Variants in SLC5A4 observed in about 807,000 individuals in gnomAD.
SLC5A4 encodes solute carrier family 5 member 4, also known as probable glucose sensor protein SLC5A4.
Under a neutral mutation model 70.3 loss-of-function variants are expected in SLC5A4, and 55 were observed. That is an observed-to-expected ratio of 0.78 (90% CI 0.63 to 0.98). The LOEUF (loss-of-function observed/expected upper bound fraction) is 0.98, where lower values mean the gene tolerates loss of function less well. SLC5A4 is among the 50% of genes least tolerant of loss of function. The pLI is 0.00. For missense variants in SLC5A4, 735 were observed against 839.2 expected, an observed-to-expected ratio of 0.88 and a Z score of 1.53; for synonymous variants, 268 against 305.7, an observed-to-expected ratio of 0.88 and a Z score of 1.29.
chr22:32,255,496 G>A (rs908607720), upstream of SLC5A4, among the ~76,000 whole-genome samples: 1 of 152,190 alleles, frequency 6.6e-6, no homozygotes, highest in Non-Finnish European at 1.5e-5. Context: ...CTCCACCAGT[G>A]AGTGCTAGCC....
chr22:32,248,806 C>T lies in SLC5A4; in HGVS notation c.313-4G>A. 1.2e-6 allele frequency: 2 copies of T among 1,605,294 alleles called. No homozygotes were observed. The highest frequency in any genetic ancestry group is 1.7e-6 in the Non-Finnish European group (2 of 1,172,080). On this transcript the variant is annotated splice_region_variant and splice_polypyrimidine_tract_variant and intron_variant, in intron 3 of 14. Coordinates refer to ENST00000266086, the MANE Select transcript of SLC5A4 (RefSeq NM_014227.3). ...GAATCAGCAACATTACTGAGGACTA[C>T]AAGGAACCAAAATAAGAGACAGTGA...
the SLC5A4 span, chr22:32,270,405 C>T: frequency 2.3e-5 from 34 of 1,454,270 alleles, no homozygotes; most frequent in Middle Eastern, 1.8e-4. Context: ...CCGGCTGCTA[C>T]GACATGTGGA....
chr22:32,233,146 T>C, intron 8 of SLC5A4, 112 bp from the exon 9 acceptor site: 4 of 1,161,264 alleles, frequency 3.4e-6, no homozygotes, highest in Non-Finnish European at 3.6e-6. Flanking sequence ...TGGACCAGTA[T>C]ACCAAAGAGC....
chr22:32,242,034 A>G (rs1177691153), intron 5 of SLC5A4, among the ~76,000 whole-genome samples: 1 of 151,828 alleles, frequency 6.6e-6, no homozygotes, highest in Non-Finnish European at 1.5e-5. Flanking sequence ...TCTAAACTGT[A>G]TATGTACGTG....
chr22:32,312,365 G>GCGCACACACACACA, the SLC5A4 span, among the ~76,000 whole-genome samples: 7 of 102,214 alleles, frequency 6.8e-5, no homozygotes, highest in African/African-American at 1.9e-4. Context: ...ACGCGCGCGC[G>GCGCACACACACACA]CACACACACA....
At chr22:32,285,529 T>C in the SLC5A4 span, among the ~76,000 whole-genome samples, 1 of 152,232 alleles carries the variant, frequency 6.6e-6, no homozygotes, top group East Asian at 1.9e-4. Context: ...TCATCTTTTG[T>C]CATACAAAAA....
the SLC5A4 span, among the ~76,000 whole-genome samples, chr22:32,261,944 G>A: frequency 6.6e-6 from 1 of 152,116 alleles, no homozygotes; most frequent in Non-Finnish European, 1.5e-5. Flanking sequence ...TCTGTGACTA[G>A]CTTATTTCAC....
At chr22:32,284,503 G>T in the SLC5A4 span, among the ~76,000 whole-genome samples, 27 of 152,160 alleles carry the variant, frequency 1.8e-4, no homozygotes, top group African/African-American at 6.3e-4. Flanking sequence ...GCTGCAAGCT[G>T]GGAGCTCAGC....
At chr22:32,349,999 G>A in the SLC5A4 span, among the ~76,000 whole-genome samples, 2 of 152,042 alleles carry the variant, frequency 1.3e-5, no homozygotes, top group African/African-American at 4.8e-5. Context: ...CAACAAAAAG[G>A]TCAGCTAAAG....
chr22:32,307,539 T>C, the SLC5A4 span, among the ~76,000 whole-genome samples: 1 of 152,028 alleles, frequency 6.6e-6, no homozygotes, highest in Admixed American at 6.6e-5. Flanking sequence ...GTTGAATAGG[T>C]GAGGGAAGTC....
the SLC5A4 span, among the ~76,000 whole-genome samples, chr22:32,326,226 G>A: frequency 6.6e-6 from 1 of 151,910 alleles, no homozygotes; most frequent in Non-Finnish European, 1.5e-5. Flanking sequence ...GATAGTTGGC[G>A]CTGACTGTAT....
the SLC5A4 span, among the ~76,000 whole-genome samples, chr22:32,316,966 A>T: frequency 4.0e-5 from 4 of 99,974 alleles, no homozygotes; most frequent in African/African-American, 1.7e-4. Context: ...GTGTGTGTAA[A>T]ACACAGTCTA....
the SLC5A4 span, among the ~76,000 whole-genome samples, chr22:32,304,469 G>C: frequency 6.6e-6 from 1 of 151,902 alleles, no homozygotes; most frequent in Non-Finnish European, 1.5e-5. Flanking sequence ...TTTTGAGACA[G>C]GGTCTCACTG....
chr22:32,290,760 T>C, the SLC5A4 span, among the ~76,000 whole-genome samples: 82 of 152,266 alleles, frequency 5.4e-4, no homozygotes, highest in Middle Eastern at 3.4e-3. Context: ...GGATGAATGC[T>C]GTGTCTTCAC....
At chr22:32,315,323 G>A in the SLC5A4 span, among the ~76,000 whole-genome samples, 3 of 152,138 alleles carry the variant, frequency 2.0e-5, no homozygotes, top group East Asian at 3.9e-4. Flanking sequence ...AGGGGTGGAG[G>A]TGAGAAGGAG....
the SLC5A4 span, among the ~76,000 whole-genome samples, chr22:32,300,454 CAGAA>C: frequency 2.0e-5 from 3 of 152,148 alleles, no homozygotes; most frequent in Non-Finnish European, 4.4e-5. Context: ...TTCTTTGACT[CAGAA>C]AGGGCACTCC....
intron 13 of SLC5A4, among the ~76,000 whole-genome samples, chr22:32,223,873 C>A (rs1427736033): frequency 6.6e-6 from 1 of 152,204 alleles, no homozygotes; most frequent in Non-Finnish European, 1.5e-5. Flanking sequence ...TCTAGAGGTA[C>A]AATGAATACA....
At chr22:32,269,396 G>A in the SLC5A4 span, 8 of 456,836 alleles carry the variant, frequency 1.8e-5, no homozygotes, top group African/African-American at 6.0e-5. The surrounding 1 kb of genome is among the most constrained non-coding windows in gnomAD (Gnocchi z 4.1). Context: ...CCTCATCGAT[G>A]TGCAGGCCCT....
the SLC5A4 span, among the ~76,000 whole-genome samples, chr22:32,347,450 C>T: frequency 6.6e-6 from 1 of 151,994 alleles, no homozygotes; most frequent in Non-Finnish European, 1.5e-5. Flanking sequence ...GACTTGGAAC[C>T]AACCCAAATG....
Sources: gnomAD v4.1 joint callset for allele counts (sites outside exome capture counted in the v4.1 genomes callset) on GRCh38, gnomAD v4.1.1 for gene constraint, Gnocchi (gnomAD v3.1) non-coding constraint, MANE v1.5 for transcripts, NCBI Gene and HGNC (gene_info 2026-07-23, HGNC 2026-07-21) for gene names.